The following GDF1 variants were observed in gnomAD, a reference collection of about 807,000 sequenced individuals.
GDF1 encodes growth differentiation factor 1.
A neutral mutation model predicts 7.4 loss-of-function variants in GDF1; 8 were observed. The ratio of observed to expected loss-of-function variants is 1.09; its 90% CI spans 0.64 to 1.96. The LOEUF is 1.96. Ranked by LOEUF, GDF1 falls within the 30% of genes most tolerant of loss-of-function variation. The pLI, the probability that GDF1 is intolerant of heterozygous loss-of-function variation, is 0.00. For missense variants in GDF1, 574 were observed against 551.5 expected, an observed-to-expected ratio of 1.04 and a Z score of -0.41; for synonymous variants, 311 against 276.7, an observed-to-expected ratio of 1.12 and a Z score of -1.23.
intron 6 of GDF1, among the ~76,000 whole-genome samples, chr19:18,874,505 G>A (rs2056027988): frequency 1.3e-5 from 2 of 152,306 alleles, no homozygotes; most frequent in Admixed American, 1.3e-4. Flanking sequence ...AGTGGCAGGT[G>A]CAGCAGAGGT....
At position 18,868,807 on chromosome 19, in the gene GDF1, G is replaced by T. The variant is rs1172241719; in HGVS notation, c.909C>A (p.Pro303=). The T allele has an allele frequency of 4.8e-6, 7 of 1,456,050 alleles. No individual in the cohort carries two copies. Among genetic ancestry groups the T allele is most frequent in the Non-Finnish European group, 6.4e-6 (7 of 1,094,014 alleles). 90.2% of individuals were successfully genotyped at this position (1,456,050 alleles called of 1,614,324 possible). ...ANYCQGQCAL[P]VALSGSGGPP... Reference sequence around the variant, plus strand: ...GCCCCCCGGACCCCGACAGCGCGACGGGCAGCGCGCACTGACCCTGGCAGT... The same window carrying T: ...GCCCCCCGGACCCCGACAGCGCGACTGGCAGCGCGCACTGACCCTGGCAGT... The change falls in exon 8 of 8, where the codon CCC becomes CCA. Residue 303 remains proline (P), a synonymous_variant. Transcript: ENST00000247005.
At chr19:18,890,783 G>GGAA (rs1555706591) in intron 2 of GDF1, among the ~76,000 whole-genome samples, 3 of 99,766 alleles carry the variant, frequency 3.0e-5, no homozygotes, top group Non-Finnish European at 5.7e-5. Flanking sequence ...CGCGTCTGGG[G>GGAA]AAAAAAAAAA....
At chr19:18,874,620 G>A (rs1338566695) in intron 6 of GDF1, among the ~76,000 whole-genome samples, 3 of 152,228 alleles carry the variant, frequency 2.0e-5, no homozygotes, top group African/African-American at 4.8e-5. Context: ...AGGGCAATGG[G>A]GACTTTGGAC....
chr19:18,880,126 C>G, intron 4 of GDF1, 148 bp downstream of exon 4: 2 of 797,464 alleles, frequency 2.5e-6, no homozygotes, highest in Non-Finnish European at 3.8e-6. Context: ...TTCAGTCCCA[C>G]CCAAATCATG....
chr19:18,885,649 A>T (rs1466940235), intron 2 of GDF1, among the ~76,000 whole-genome samples: 1 of 149,922 alleles, frequency 6.7e-6, no homozygotes, highest in African/African-American at 2.5e-5. Flanking sequence ...CATGCCAAGT[A>T]GCTGGGATTA....
rs1358235791 is a variant in GDF1, at chr19:18,880,397, T to C, written c.-694A>G. 4.4e-6 allele frequency: 7 copies of C among 1,588,874 alleles called. No homozygotes were observed. The highest frequency in any genetic ancestry group is 1.1e-5 in the South Asian group (1 of 86,988). On this transcript the variant is annotated 5_prime_UTR_variant, in exon 4 of 8. Coordinates refer to ENST00000247005, the MANE Select transcript of GDF1 (RefSeq NM_001492.6). ...GAACTCAAGCTGCACGTCACTGATA[T>C]CGTGCAGGAAGAGCACAAGGATGCC...
At chr19:18,889,922 T>C (rs954637712) in intron 2 of GDF1, among the ~76,000 whole-genome samples, 1 of 152,076 alleles carries the variant, frequency 6.6e-6, no homozygotes, top group African/African-American at 2.4e-5. Flanking sequence ...AGCTCTGCCT[T>C]CTAAACATTT....
intron 2 of GDF1, 124 bp downstream of exon 2, chr19:18,893,292 T>C (rs534679654): frequency 1.7e-5 from 19 of 1,087,572 alleles, no homozygotes; most frequent in Middle Eastern, 2.4e-4. Flanking sequence ...ATAGCTCCCC[T>C]TGGCCTCCAA....
Position 18,868,569 on chromosome 19 carries a change from T to TTGGGCCCGC in GDF1, c.*19_*27dup, listed in dbSNP as rs1180010076. The TTGGGCCCGC allele has an allele frequency of 6.6e-7, 1 of 1,510,698 alleles. No homozygotes were observed. The allele number at this position is 1,510,698 out of a possible 1,614,324, so 93.6% of individuals were successfully genotyped here. A position where few individuals can be genotyped will look rare whatever the true frequency, so the allele number is the denominator to read the frequency against. Reference sequence around the variant, plus strand: ...GGAGCAGACCACGCGGCATTTATTGTTGGGCCCGCGTCCCTGCCCGCCCCG... The same window carrying TTGGGCCCGC: ...GGAGCAGACCACGCGGCATTTATTGTTGGGCCCGCTGGGCCCGCGTCCCTGCCCGCCCCG... On this transcript the variant is annotated 3_prime_UTR_variant, in exon 8 of 8. Transcript: ENST00000247005.
intron 1 of GDF1, among the ~76,000 whole-genome samples, chr19:18,894,584 G>A (rs767434118): frequency 2.0e-5 from 3 of 152,108 alleles, no homozygotes; most frequent in African/African-American, 7.2e-5. Flanking sequence ...CAGGGGTGGG[G>A]GACGGCTTGC....
chr19:18,882,071 A>G (rs1471509558), intron 3 of GDF1: 1 of 154,172 alleles, frequency 6.5e-6, no homozygotes, highest in East Asian at 2.0e-4. Context: ...CGGCCTCCCA[A>G]AGTGCTGGGA....
At chr19:18,879,100 C>CA in intron 5 of GDF1, 61 bp from the exon 6 acceptor site, 1 of 1,595,710 alleles carries the variant, frequency 6.3e-7, no homozygotes, top group Non-Finnish European at 8.5e-7. Context: ...GCCCTGCTGA[C>CA]AGCCATGTGC....
intron 2 of GDF1, among the ~76,000 whole-genome samples, chr19:18,890,050 C>G (rs576219218): frequency 2.0e-5 from 3 of 152,204 alleles, no homozygotes; most frequent in African/African-American, 7.2e-5. Flanking sequence ...GATGCCCAAC[C>G]CAGGGTGACA....
At position 18,879,296 on chromosome 19, in the gene GDF1, A is replaced by T. The variant is rs775383045; in HGVS notation, c.-478T>A. The T allele has an allele frequency of 1.4e-5, 22 of 1,613,082 alleles. No homozygotes were observed. The highest frequency in any genetic ancestry group is 4.4e-5 in the South Asian group (4 of 90,864). ...CAGCAGCAGGAGCGCATTGAAGAAG[A>T]AGTAGAAGGGGATGTCAGGCACCGT... is the stretch of plus-strand genomic sequence containing the variant. On this transcript the variant is annotated 5_prime_UTR_variant, in exon 5 of 8. Transcript: ENST00000247005.
In GDF1 at chr19:18,870,115, G is replaced by A. The variant is rs371213478; in HGVS notation, c.193C>T (p.Leu65=). ...LRPVPPVMWR[L]FRRRDPQETR... ...TCCTGGGGGTCCCGGCGTCGAAACAGGCGCCACATGACCGGGGGAACCGGC... is the reference window on the plus strand; with the variant it reads ...TCCTGGGGGTCCCGGCGTCGAAACAAGCGCCACATGACCGGGGGAACCGGC... Residue 65 remains leucine (L), a synonymous_variant, in exon 7 of 8, where the codon CTG becomes TTG. Coordinates refer to ENST00000247005, the MANE Select transcript of GDF1 (RefSeq NM_001492.6). This position sits in a 1 kb window ranked among gnomAD's most constrained non-coding sequence, Gnocchi z 5.1. 1.1e-5 allele frequency: 18 copies of A among 1,568,136 alleles called. No individual in the cohort carries two copies. The Admixed American group carries it at 1.5e-4, about 13-fold the overall frequency.
Position 18,888,519 on chromosome 19 carries a change from T to TAAAAAA in GDF1, c.-913-4258_-913-4253dup, listed in dbSNP as rs781426705. Reference sequence around the variant, plus strand: ...GGCGACAGAGTGAGACCCTGTCTCTTAAAAAAAAAAAAAAAAAAAAAAAAA... The same window carrying TAAAAAA: ...GGCGACAGAGTGAGACCCTGTCTCTTAAAAAAAAAAAAAAAAAAAAAAAAAAAAAAA... On this transcript the variant is annotated intron_variant, in intron 2 of 7. Transcript: ENST00000247005. Among the ~76,000 whole-genome samples, 117 of 59,046 alleles carry TAAAAAA rather than the reference T, an allele frequency of 2.0e-3. 3 individuals carry two copies. Among genetic ancestry groups the TAAAAAA allele is most frequent in the African/African-American group, 8.5e-3 (112 of 13,246 alleles). 38.7% of individuals were successfully genotyped at this position (59,046 alleles called of 152,430 possible).
chr19:18,873,878 C>T (rs2056018107), intron 6 of GDF1, among the ~76,000 whole-genome samples: 1 of 150,880 alleles, frequency 6.6e-6, no homozygotes, highest in Non-Finnish European at 1.5e-5. Flanking sequence ...GGAGGGGACT[C>T]TCTGGGGTTA....
At chr19:18,893,709 C>T in intron 1 of GDF1, 134 bp from the exon 2 acceptor site, 5 of 870,538 alleles carry the variant, frequency 5.7e-6, no homozygotes, top group Non-Finnish European at 8.6e-6. Flanking sequence ...ATGCCCACAG[C>T]CACCTGGAGC....
At chr19:18,884,058 G>A in intron 3 of GDF1, 29 bp downstream of exon 3, 1 of 1,599,058 alleles carries the variant, frequency 6.3e-7, no homozygotes. Flanking sequence ...GCTGTGCCTC[G>A]GCCCCCTGCC....
Sources: gnomAD v4.1 joint callset for allele counts (sites outside exome capture counted in the v4.1 genomes callset) on GRCh38, gnomAD v4.1.1 for gene constraint, Gnocchi (gnomAD v3.1) non-coding constraint, MANE v1.5 for transcripts, NCBI Gene and HGNC (gene_info 2026-07-23, HGNC 2026-07-21) for gene names.